PXYLP1: variants seen among roughly 807,000 people sequenced by gnomAD.
The protein encoded by PXYLP1 is acid phosphatase-like 2.
Under a neutral mutation model 37.9 loss-of-function variants are expected in PXYLP1, and 17 were observed. The observed-to-expected ratio is 0.45, with a 90% confidence interval of 0.31 to 0.67. PXYLP1 has a LOEUF of 0.67. Among genes scored for constraint, PXYLP1 ranks in the 30% least tolerant of loss-of-function variants. The probability of loss-of-function intolerance (pLI) is 0.07; values close to 1 mark genes in which losing one functional copy is unlikely to be tolerated. For synonymous variants in PXYLP1, 221 were observed against 232.2 expected, an observed-to-expected ratio of 0.95 and a Z score of 0.44; for missense variants, 511 against 612.0, an observed-to-expected ratio of 0.84 and a Z score of 1.74.
intron 1 of PXYLP1, among the ~76,000 whole-genome samples, chr3:141,239,492 C>G (rs1056731612): frequency 6.7e-6 from 1 of 149,626 alleles, no homozygotes; most frequent in Non-Finnish European, 1.5e-5. Context: ...CACATAATTT[C>G]TAGCATTGCT....
intron 5 of PXYLP1, among the ~76,000 whole-genome samples, chr3:141,290,675 C>T (rs529874675): frequency 6.6e-5 from 10 of 152,210 alleles, no homozygotes; most frequent in African/African-American, 2.2e-4. Flanking sequence ...CTTTGTATTT[C>T]GGCATGAAAA....
chr3:141,260,258 A>C lies in PXYLP1; in HGVS notation c.79+4A>C. The C allele has an allele frequency of 1.9e-6, 3 of 1,612,452 alleles. No individual in the cohort carries two copies. The highest frequency in any genetic ancestry group is 2.5e-6 in the Non-Finnish European group (3 of 1,180,018). On this transcript the variant is annotated splice_donor_region_variant and intron_variant, in intron 2 of 5. Coordinates refer to ENST00000286353, the MANE Select transcript of PXYLP1 (RefSeq NM_001037172.3). ...GTGAGCCTCAGCCTGCAGTTCTGTG[A>C]GTAGAGCCGGGCCCCGCAGGTCGTG... is the stretch of plus-strand genomic sequence containing the variant.
At chr3:141,284,978 A>G (rs1033493646) in intron 4 of PXYLP1, among the ~76,000 whole-genome samples, 1 of 152,142 alleles carries the variant, frequency 6.6e-6, no homozygotes, top group African/African-American at 2.4e-5. Context: ...TTTTTAGAGC[A>G]TCTGCTATGT....
At position 141,283,393 on chromosome 3, in the gene PXYLP1, C is replaced by T. The variant is rs574982197; in HGVS notation, c.365+3889C>T. Among the ~76,000 whole-genome samples, 7 of 152,152 alleles carry T rather than the reference C, an allele frequency of 4.6e-5. No homozygotes were observed. The South Asian group carries it at 1.5e-3, about 32-fold the overall frequency. On this transcript the variant is annotated intron_variant, in intron 4 of 5. Coordinates refer to ENST00000286353, the MANE Select transcript of PXYLP1 (RefSeq NM_001037172.3). ...TGAAGCTGTGGGCTTATATTACAGA[C>T]AGAACCTGAGGAGTGAGGGATGGGC...
intron 2 of PXYLP1, chr3:141,262,717 C>T: frequency 6.5e-7 from 1 of 1,532,492 alleles, no homozygotes; most frequent in Non-Finnish European, 8.7e-7. Flanking sequence ...TACTGCTCTT[C>T]TTTTAGGTAA....
At chr3:141,287,893 C>T (rs1942112924) in intron 5 of PXYLP1, among the ~76,000 whole-genome samples, 2 of 152,204 alleles carry the variant, frequency 1.3e-5, no homozygotes, top group Non-Finnish European at 2.9e-5. Context: ...TTTATGATAG[C>T]GCCATATTCT....
In PXYLP1 at chr3:141,294,753, A is replaced by T. The variant is rs1050929096; in HGVS notation, c.*1548A>T. Reference sequence around the variant, plus strand: ...TCATGCAGAGAACCAGTATTTTAAAATTTTATTTTAACTGCTTTACTAACT... The same window carrying T: ...TCATGCAGAGAACCAGTATTTTAAATTTTTATTTTAACTGCTTTACTAACT... On this transcript the variant is annotated 3_prime_UTR_variant, in exon 6 of 6. Transcript: ENST00000286353. 4 of 152,212 alleles carry T rather than the reference A, an allele frequency of 2.6e-5. No homozygotes were observed. The highest frequency in any genetic ancestry group is 9.6e-5 in the African/African-American group (4 of 41,460). The allele number at this position is 152,212 out of a possible 1,614,324, so 9.4% of individuals were successfully genotyped here.
intron 2 of PXYLP1, among the ~76,000 whole-genome samples, chr3:141,263,301 T>C (rs889162034): frequency 1.2e-4 from 19 of 152,238 alleles, no homozygotes; most frequent in Admixed American, 1.0e-3. Context: ...TTTCTCAAAA[T>C]ATGTTCATCT....
chr3:141,273,976 A>G, intron 2 of PXYLP1: 5 of 985,662 alleles, frequency 5.1e-6, no homozygotes, highest in Non-Finnish European at 6.0e-6. Context: ...CCATCTATTT[A>G]TCTGCCCACT....
intron 1 of PXYLP1, among the ~76,000 whole-genome samples, chr3:141,253,973 G>T (rs374497369): frequency 6.6e-6 from 1 of 151,660 alleles, no homozygotes; most frequent in African/African-American, 2.4e-5. Flanking sequence ...ACGCAGTGGC[G>T]CAATCTCAGC....
chr3:141,292,767 A>G lies in PXYLP1; in HGVS notation c.1005A>G (p.Arg335=), dbSNP rs1942256088. Residue 335 remains arginine (R), a synonymous_variant, in exon 6 of 6, where the codon AGA becomes AGG. Coordinates refer to ENST00000286353, the MANE Select transcript of PXYLP1 (RefSeq NM_001037172.3). The surrounding 1 kb of genome is among the most constrained non-coding windows in gnomAD (Gnocchi z 4.3). The part of the protein sequence containing the change: ...KTHQIEDERE[R]REKKLYFGYS... ...ATCAGATCGAGGATGAAAGGGAAAGACGGGAGAAGAAATTGTACTTCGGGT... is the reference window on the plus strand; with the variant it reads ...ATCAGATCGAGGATGAAAGGGAAAGGCGGGAGAAGAAATTGTACTTCGGGT... 2.5e-6 allele frequency: 4 copies of G among 1,613,670 alleles called. No homozygotes were observed. The East Asian group carries it at 8.9e-5, about 36-fold the overall frequency.
intron 2 of PXYLP1, among the ~76,000 whole-genome samples, chr3:141,260,622 C>T (rs184199832): frequency 3.0e-4 from 46 of 152,266 alleles, no homozygotes; most frequent in Middle Eastern, 3.4e-3. Flanking sequence ...TTCAGTCAGC[C>T]GCGGGGCTGG....
rs1039890227 is a variant in PXYLP1, at chr3:141,274,351, C to T, written c.80-3991C>T. ...CCTGGTGAGGCCAACCTGACCAGGC[C>T]TTACGGGACCCAAGGCGTATCCTGA... On this transcript the variant is annotated intron_variant, in intron 2 of 5. Transcript: ENST00000286353. 4.9e-6 allele frequency: 7 copies of T among 1,420,376 alleles called. No homozygotes were observed. The Admixed American group carries it at 1.7e-4, about 35-fold the overall frequency. 88.0% of individuals were successfully genotyped at this position (1,420,376 alleles called of 1,614,324 possible). A position where few individuals can be genotyped will look rare whatever the true frequency, so the allele number is the denominator to read the frequency against.
chr3:141,256,189 A>G (rs983387966), intron 1 of PXYLP1, among the ~76,000 whole-genome samples: 4 of 152,174 alleles, frequency 2.6e-5, no homozygotes, highest in African/African-American at 9.7e-5. Context: ...TGGAAGTCAG[A>G]CATAGTACAT....
intron 1 of PXYLP1, among the ~76,000 whole-genome samples, chr3:141,240,762 C>T (rs1940777902): frequency 6.6e-6 from 1 of 152,128 alleles, no homozygotes; most frequent in Non-Finnish European, 1.5e-5. Flanking sequence ...TAAGAAGGCT[C>T]CAGCCAAAAG....
At chr3:141,277,956 T>A (rs1941837310) in intron 2 of PXYLP1, among the ~76,000 whole-genome samples, 1 of 152,224 alleles carries the variant, frequency 6.6e-6, no homozygotes, top group Non-Finnish European at 1.5e-5. Flanking sequence ...ATCTGGCACC[T>A]AGCAGGTCTT....
At chr3:141,243,070 G>A (rs1047498712) in intron 1 of PXYLP1, among the ~76,000 whole-genome samples, 1 of 152,288 alleles carries the variant, frequency 6.6e-6, no homozygotes, top group South Asian at 2.1e-4. Flanking sequence ...TCAGTGCCAG[G>A]GAGGGACCAT....
At chr3:141,259,172 G>A (rs750252813) in intron 1 of PXYLP1, among the ~76,000 whole-genome samples, 5 of 152,234 alleles carry the variant, frequency 3.3e-5, no homozygotes, top group Non-Finnish European at 7.3e-5. Flanking sequence ...CACATTAGCA[G>A]ATGAGCTTTT....
intron 2 of PXYLP1, among the ~76,000 whole-genome samples, chr3:141,269,528 G>A (rs771329980): frequency 1.3e-5 from 2 of 152,068 alleles, no homozygotes; most frequent in African/African-American, 2.4e-5. Flanking sequence ...TGTTGAAATT[G>A]AAAACCTGTT....
Sources: gnomAD v4.1 joint callset for allele counts (sites outside exome capture counted in the v4.1 genomes callset) on GRCh38, gnomAD v4.1.1 for gene constraint, Gnocchi (gnomAD v3.1) non-coding constraint, MANE v1.5 for transcripts, NCBI Gene and HGNC (gene_info 2026-07-23, HGNC 2026-07-21) for gene names.